Variants in RPS6KA5 observed in about 807,000 individuals in gnomAD.
RPS6KA5 encodes the protein ribosomal protein S6 kinase A5.
In RPS6KA5, 27 loss-of-function variants were observed where a neutral mutation model predicts 85.5. The ratio of observed to expected loss-of-function variants is 0.32; its 90% confidence interval spans 0.23 to 0.44. RPS6KA5 has a LOEUF of 0.44. Among genes scored for constraint, RPS6KA5 ranks in the 20% least tolerant of loss-of-function variants. The pLI, the probability that RPS6KA5 is intolerant of heterozygous loss-of-function variation, is 1.00. For synonymous variants in RPS6KA5, 334 were observed against 348.2 expected, an observed-to-expected ratio of 0.96 and a Z score of 0.46; for missense variants, 811 against 980.9, an observed-to-expected ratio of 0.83 and a Z score of 2.31.
At chr14:91,059,282 G>A (rs1238780796) in intron 1 of RPS6KA5, among the ~76,000 whole-genome samples, 2 of 150,788 alleles carry the variant, frequency 1.3e-5, no homozygotes, top group East Asian at 1.9e-4. Flanking sequence ...GGAGGCTGCG[G>A]TGAGCCGAGA....
chr14:91,012,797 G>A (rs2041315291), intron 1 of RPS6KA5, among the ~76,000 whole-genome samples: 1 of 152,232 alleles, frequency 6.6e-6, no homozygotes. Context: ...CTAGGCAAAA[G>A]AGTGGTACAC....
chr14:91,042,768 C>T (rs1425724730), intron 1 of RPS6KA5, among the ~76,000 whole-genome samples: 1 of 68,038 alleles, frequency 1.5e-5, no homozygotes, highest in African/African-American at 6.1e-5. Context: ...AACATCCCAT[C>T]CCCCTTCTCA....
At chr14:90,916,945 C>A (rs1330306732) in intron 7 of RPS6KA5, among the ~76,000 whole-genome samples, 1 of 152,140 alleles carries the variant, frequency 6.6e-6, no homozygotes, top group Non-Finnish European at 1.5e-5. Context: ...AAGAAATATA[C>A]TTCTCTCCAC....
chr14:90,973,775 G>A (rs796606667), intron 3 of RPS6KA5, among the ~76,000 whole-genome samples: 17 of 152,134 alleles, frequency 1.1e-4, no homozygotes, highest in African/African-American at 4.1e-4. Flanking sequence ...GGTGGTTCAC[G>A]CCTGTAATCC....
At chr14:90,922,606 C>T (rs1227721526) in intron 6 of RPS6KA5, among the ~76,000 whole-genome samples, 1 of 152,182 alleles carries the variant, frequency 6.6e-6, no homozygotes, top group Non-Finnish European at 1.5e-5. Context: ...CGCCACCACG[C>T]CCAGCTAATT....
intron 3 of RPS6KA5, among the ~76,000 whole-genome samples, chr14:90,970,170 A>G (rs558088907): frequency 6.6e-6 from 1 of 152,342 alleles, no homozygotes; most frequent in Admixed American, 6.5e-5. Context: ...CACTCTATAA[A>G]TGCATTTCAG....
rs2031835752 is a variant in RPS6KA5, at chr14:90,848,695, C to T, written c.*23379G>A. On this transcript the variant is annotated 3_prime_UTR_variant, in exon 17 of 17. Coordinates refer to ENST00000614987, the MANE Select transcript of RPS6KA5 (RefSeq NM_004755.4). ...AAAAAAAAGCCATGCAAATAAAAAT[C>T]TCATTACATGCCAGCTGAGTGACTT... is the stretch of plus-strand genomic sequence containing the variant. The T allele has an allele frequency of 6.6e-6, 1 of 152,142 alleles. No homozygotes were observed. Among genetic ancestry groups the T allele is most frequent in the Non-Finnish European group, 1.5e-5 (1 of 68,036 alleles). The allele number at this position is 152,142 out of a possible 1,614,324, so 9.4% of individuals were successfully genotyped here.
In RPS6KA5 at chr14:90,899,433, AG is replaced by A; in HGVS notation, c.1380-12del. The A allele has an allele frequency of 6.3e-7, 1 of 1,591,712 alleles. No individual in the cohort carries two copies. The highest frequency in any genetic ancestry group is 1.3e-5 in the African/African-American group (1 of 74,432). ...GTATTGGCTTCCATCCTGCAAGATG[AG>A]ACACTTAGCATCCACATGTCTCTTC... is the stretch of plus-strand genomic sequence containing the variant. On this transcript the variant is annotated splice_polypyrimidine_tract_variant and intron_variant, in intron 11 of 16. Transcript: ENST00000614987.
chr14:91,048,773 A>G (rs1268870413), intron 1 of RPS6KA5, among the ~76,000 whole-genome samples: 1 of 152,328 alleles, frequency 6.6e-6, no homozygotes, highest in African/African-American at 2.4e-5. Flanking sequence ...TAACTGTGAC[A>G]ACCCCTCCCT....
chr14:91,014,838 A>G (rs2041416720), intron 1 of RPS6KA5, among the ~76,000 whole-genome samples: 1 of 152,126 alleles, frequency 6.6e-6, no homozygotes. Context: ...ATAGCACATT[A>G]TTTTTTCATA....
intron 3 of RPS6KA5, among the ~76,000 whole-genome samples, chr14:90,960,317 C>A (rs1032220068): frequency 6.6e-6 from 1 of 151,974 alleles, no homozygotes; most frequent in Non-Finnish European, 1.5e-5. Context: ...AGCCAGGCAG[C>A]GAAACAACAA....
intron 3 of RPS6KA5, among the ~76,000 whole-genome samples, chr14:90,962,825 G>A (rs887887355): frequency 2.0e-5 from 3 of 152,030 alleles, no homozygotes; most frequent in Non-Finnish European, 2.9e-5. Flanking sequence ...TCATATATGT[G>A]CATATTTTTC....
intron 13 of RPS6KA5, chr14:90,894,207 A>G (rs1050226775): frequency 3.3e-6 from 4 of 1,213,602 alleles, no homozygotes; most frequent in Non-Finnish European, 4.1e-6. Context: ...CAAGATGATC[A>G]GCTGGCAAAA....
At chr14:91,046,125 A>C (rs1018740962) in intron 1 of RPS6KA5, among the ~76,000 whole-genome samples, 2 of 152,092 alleles carry the variant, frequency 1.3e-5, no homozygotes, top group Non-Finnish European at 1.5e-5. Context: ...TCATAATCGC[A>C]ATCATAGGGT....
At chr14:90,960,838 C>T (rs2038759599) in intron 3 of RPS6KA5, among the ~76,000 whole-genome samples, 1 of 152,144 alleles carries the variant, frequency 6.6e-6, no homozygotes, top group Admixed American at 6.5e-5. Flanking sequence ...TGTTTTTCTT[C>T]CCTTTATTAT....
chr14:90,883,566 T>C (rs140878726), intron 14 of RPS6KA5, among the ~76,000 whole-genome samples: 1 of 152,350 alleles, frequency 6.6e-6, no homozygotes, highest in African/African-American at 2.4e-5. Flanking sequence ...CCTTTAGGTC[T>C]TTCAATGTCT....
At chr14:90,909,947 T>G (rs534927313) in intron 7 of RPS6KA5, among the ~76,000 whole-genome samples, 6 of 152,182 alleles carry the variant, frequency 3.9e-5, no homozygotes, top group African/African-American at 4.8e-5. Context: ...GGCTAATTTT[T>G]GTATTTTCAG....
intron 2 of RPS6KA5, among the ~76,000 whole-genome samples, chr14:90,998,037 A>C (rs1160184753): frequency 4.6e-5 from 7 of 151,182 alleles, no homozygotes; most frequent in African/African-American, 1.7e-4. Flanking sequence ...AAAAGTATGA[A>C]GTAGTGATGT....
chr14:90,923,295 T>C, intron 5 of RPS6KA5, 99 bp from the exon 6 acceptor site: 1 of 905,216 alleles, frequency 1.1e-6, no homozygotes, highest in Non-Finnish European at 1.8e-6. Context: ...TACACTATAG[T>C]GGCAAAGTAG....
Sources: allele counts gnomAD v4.1 joint callset (sites outside exome capture counted in the v4.1 genomes callset), GRCh38; gene constraint gnomAD v4.1.1; transcripts MANE v1.5; gene names NCBI Gene and HGNC (gene_info 2026-07-23, HGNC 2026-07-21).